DPP10: variants seen among roughly 807,000 people sequenced by gnomAD.
DPP10 encodes dipeptidyl peptidase like 10, also known as inactive dipeptidyl peptidase 10.
A neutral mutation model predicts 120.9 loss-of-function variants in DPP10; 33 were observed. The observed-to-expected ratio is 0.27, with a 90% CI of 0.21 to 0.37. DPP10 has a LOEUF of 0.37. Ranked by LOEUF, DPP10 falls within the 10% of genes least tolerant of loss-of-function variation. The pLI, the probability that DPP10 is intolerant of heterozygous loss-of-function variation, is 1.00. For missense variants in DPP10, 816 were observed against 942.8 expected (o/e 0.87, Z 1.76); for synonymous variants, 337 against 326.1 (o/e 1.03, Z -0.36).
At position 115,602,095 on chromosome 2, in the gene DPP10, A is replaced by AT. The variant is rs1377191120; in HGVS notation, c.441+76127dup. On this transcript the variant is annotated intron_variant, in intron 5 of 25. Transcript: ENST00000410059. ...CTTCTCTTTTATTCTAAAAATGGAC[A>AT]TTTTCATGAATAAAACCCCACATTG... is the stretch of plus-strand genomic sequence containing the variant. Among the ~76,000 whole-genome samples, 4 of 152,150 alleles carry AT rather than the reference A, an allele frequency of 2.6e-5. No homozygotes were observed. In the East Asian group the frequency reaches 7.7e-4, roughly 29 times the overall value.
In DPP10 at chr2:115,499,529, A is replaced by G. The variant is rs1361977864; in HGVS notation, c.291A>G (p.Lys97=). Residue 97 remains lysine, a synonymous_variant, in exon 4 of 26, where the codon AAA becomes AAG. Coordinates refer to ENST00000410059, the MANE Select transcript of DPP10 (RefSeq NM_020868.6). ...TTGCAGATACAGATGTGGTGTATAA[A>G]AGCGAGAATGGACATGTCATTAAAC... The part of the protein sequence containing the change: ...RWINDTDVVY[K]SENGHVIKLN... The G allele has an allele frequency of 7.4e-6, 12 of 1,611,788 alleles. No homozygotes were observed. The highest frequency in any genetic ancestry group is 1.0e-5 in the Non-Finnish European group (12 of 1,178,676).
At chr2:114,898,327 A>G (rs1574444236) in intron 1 of DPP10, among the ~76,000 whole-genome samples, 1 of 150,484 alleles carries the variant, frequency 6.6e-6, no homozygotes, top group East Asian at 2.0e-4. Flanking sequence ...GAAGGGGAAT[A>G]TCACACTCTG....
At chr2:114,710,236 A>G (rs1700939031) in intron 1 of DPP10, among the ~76,000 whole-genome samples, 1 of 152,258 alleles carries the variant, frequency 6.6e-6, no homozygotes, top group South Asian at 2.1e-4. Context: ...AGCTTCTTAC[A>G]TGCCACAAAG....
chr2:114,689,241 C>T (rs1251586154), intron 1 of DPP10, among the ~76,000 whole-genome samples: 9 of 145,666 alleles, frequency 6.2e-5, no homozygotes, highest in Non-Finnish European at 1.2e-4. Context: ...CCCCTTACCA[C>T]CCTGCGACAG....
chr2:115,014,105 C>T (rs906977959), intron 1 of DPP10, among the ~76,000 whole-genome samples: 7 of 152,246 alleles, frequency 4.6e-5, no homozygotes, highest in Admixed American at 2.0e-4. Flanking sequence ...TAAAACATTC[C>T]TCAGCAAATG....
intron 1 of DPP10, among the ~76,000 whole-genome samples, chr2:115,128,645 T>C (rs535952660): frequency 4.7e-4 from 71 of 152,274 alleles, no homozygotes; most frequent in African/African-American, 1.7e-3. Context: ...CTCCTGCTAA[T>C]AGTGAAGAGT....
intron 5 of DPP10, among the ~76,000 whole-genome samples, chr2:115,566,354 T>A (rs1004388662): frequency 6.6e-6 from 1 of 152,132 alleles, no homozygotes; most frequent in East Asian, 1.9e-4. Context: ...ATATGGTGGT[T>A]TTTCTCTTCA....
At chr2:114,625,117 T>G (rs527283087) in intron 1 of DPP10, among the ~76,000 whole-genome samples, 1 of 152,048 alleles carries the variant, frequency 6.6e-6, no homozygotes, top group Non-Finnish European at 1.5e-5. Flanking sequence ...CAAGTAAGAT[T>G]CATATGGTAG....
chr2:115,793,098 G>A (rs1438016361), intron 19 of DPP10, among the ~76,000 whole-genome samples: 1 of 152,074 alleles, frequency 6.6e-6, no homozygotes, highest in Non-Finnish European at 1.5e-5. Context: ...TTGATTTTTA[G>A]TTTATAAGAG....
chr2:114,951,056 A>C (rs1031172423), intron 1 of DPP10, among the ~76,000 whole-genome samples: 3 of 152,342 alleles, frequency 2.0e-5, no homozygotes, highest in Admixed American at 6.5e-5. Flanking sequence ...AAAAGCTGGC[A>C]TTGGTAAAGT....
intron 1 of DPP10, among the ~76,000 whole-genome samples, chr2:115,225,238 C>T (rs577191683): frequency 3.3e-5 from 5 of 151,866 alleles, no homozygotes; most frequent in Non-Finnish European, 7.4e-5. Context: ...CATGATAGCT[C>T]GCTCCAAGAG....
intron 1 of DPP10, among the ~76,000 whole-genome samples, chr2:115,201,290 C>G (rs574895887): frequency 6.6e-6 from 1 of 152,044 alleles, no homozygotes; most frequent in Admixed American, 6.5e-5. Context: ...TGGTGAAACC[C>G]CATCTGTACT....
chr2:115,152,109 A>C (rs1303708887), intron 1 of DPP10, among the ~76,000 whole-genome samples: 1 of 151,966 alleles, frequency 6.6e-6, no homozygotes, highest in African/African-American at 2.4e-5. Flanking sequence ...TGAGCATGAC[A>C]TTTTTTGGCA....
At chr2:115,635,284 G>C (rs1440381356) in intron 5 of DPP10, among the ~76,000 whole-genome samples, 1 of 152,164 alleles carries the variant, frequency 6.6e-6, no homozygotes, top group African/African-American at 2.4e-5. Context: ...TAGCCGCTGA[G>C]AATCTGCACA....
chr2:115,459,510 T>C (rs1365391513), intron 3 of DPP10, among the ~76,000 whole-genome samples: 1 of 152,116 alleles, frequency 6.6e-6, no homozygotes, highest in African/African-American at 2.4e-5. Flanking sequence ...GTTTCTATTG[T>C]TTTGATTACC....
chr2:115,006,094 A>G (rs1701822071), intron 1 of DPP10, among the ~76,000 whole-genome samples: 1 of 152,236 alleles, frequency 6.6e-6, no homozygotes, highest in Non-Finnish European at 1.5e-5. Context: ...TTTTCAATCC[A>G]GAATTTCATA....
At chr2:115,570,406 G>C (rs1160451482) in intron 5 of DPP10, among the ~76,000 whole-genome samples, 1 of 152,172 alleles carries the variant, frequency 6.6e-6, no homozygotes, top group Non-Finnish European at 1.5e-5. Context: ...TTCTTTACTG[G>C]TGCCCAACAC....
chr2:114,885,343 G>A (rs1396591216), intron 1 of DPP10, among the ~76,000 whole-genome samples: 1 of 152,066 alleles, frequency 6.6e-6, no homozygotes, highest in Non-Finnish European at 1.5e-5. Flanking sequence ...GCGCCGAGGG[G>A]ATAATGCTAA....
At chr2:115,267,910 A>C (rs897533917) in intron 1 of DPP10, among the ~76,000 whole-genome samples, 2 of 152,168 alleles carry the variant, frequency 1.3e-5, no homozygotes, top group Non-Finnish European at 1.5e-5. Flanking sequence ...ATAATGCTCT[A>C]CTGTAGGTTA....
Sources: gnomAD v4.1 joint callset for allele counts (sites outside exome capture counted in the v4.1 genomes callset) on GRCh38, gnomAD v4.1.1 for gene constraint, MANE v1.5 for transcripts, NCBI Gene and HGNC (gene_info 2026-07-23, HGNC 2026-07-21) for gene names.